Variants in MTUS2 observed in about 807,000 individuals in gnomAD.
MTUS2 encodes the protein microtubule associated scaffold protein 2.
A neutral mutation model predicts 114.1 loss-of-function variants in MTUS2; 40 were observed. The ratio of observed to expected loss-of-function variants is 0.35; its 90% confidence interval spans 0.27 to 0.46. The LOEUF is 0.46. MTUS2 is among the 20% of genes least tolerant of loss of function. The probability of loss-of-function intolerance (pLI) is 1.00; values close to 1 mark genes in which losing one functional copy is unlikely to be tolerated. For synonymous variants in MTUS2, 688 were observed against 672.0 expected (o/e 1.02, Z -0.37); for missense variants, 1,679 against 1,705.4 (o/e 0.98, Z 0.27).
intron 7 of MTUS2, among the ~76,000 whole-genome samples, chr13:29,335,992 G>T (rs1901043101): frequency 6.6e-6 from 1 of 152,070 alleles, no homozygotes; most frequent in Non-Finnish European, 1.5e-5. Flanking sequence ...ATTGAAACTT[G>T]TGTGTTTCAT....
At chr13:29,164,767 T>C (rs1177360703) in intron 5 of MTUS2, among the ~76,000 whole-genome samples, 1 of 152,206 alleles carries the variant, frequency 6.6e-6, no homozygotes, top group Non-Finnish European at 1.5e-5. Context: ...GTATTAGCCA[T>C]ATAAAGTAAT....
intron 5 of MTUS2, among the ~76,000 whole-genome samples, chr13:29,177,381 T>TAAC (rs775971791): frequency 6.6e-6 from 1 of 150,586 alleles, no homozygotes; most frequent in Non-Finnish European, 1.5e-5. Context: ...CTACTGGACA[T>TAAC]AATAATAATA....
intron 6 of MTUS2, among the ~76,000 whole-genome samples, chr13:29,319,824 T>A (rs1296274245): frequency 6.6e-6 from 1 of 150,618 alleles, no homozygotes; most frequent in Non-Finnish European, 1.5e-5. Context: ...CTGAATAGGG[T>A]CTAAGGAAAT....
At chr13:29,155,554 A>G (rs2139054608) in intron 5 of MTUS2, among the ~76,000 whole-genome samples, 1 of 152,252 alleles carries the variant, frequency 6.6e-6, no homozygotes, top group East Asian at 1.9e-4. Flanking sequence ...ATGAAGAGGC[A>G]GGCTCAGGAT....
intron 9 of MTUS2, among the ~76,000 whole-genome samples, chr13:29,461,217 C>T: frequency 6.6e-6 from 1 of 150,962 alleles, no homozygotes; most frequent in Non-Finnish European, 1.5e-5. Flanking sequence ...GGGGGGTGAA[C>T]TCATTCTTTT....
At chr13:29,109,441 A>G (rs1464481998) in intron 5 of MTUS2, among the ~76,000 whole-genome samples, 1 of 152,086 alleles carries the variant, frequency 6.6e-6, no homozygotes, top group Admixed American at 6.5e-5. Flanking sequence ...GAATACCTGA[A>G]ACTTTGAACC....
intron 9 of MTUS2, among the ~76,000 whole-genome samples, chr13:29,471,972 A>G (rs1239168889): frequency 6.6e-6 from 1 of 152,098 alleles, no homozygotes; most frequent in Admixed American, 6.5e-5. Context: ...GGACCTGCAG[A>G]GATGACAAGA....
chr13:29,255,993 C>T (rs920518638), intron 5 of MTUS2, among the ~76,000 whole-genome samples: 1 of 152,184 alleles, frequency 6.6e-6, no homozygotes, highest in Non-Finnish European at 1.5e-5. Flanking sequence ...GAAGATTACA[C>T]AGATTAAATG....
chr13:29,397,352 G>A (rs532861478), intron 8 of MTUS2, among the ~76,000 whole-genome samples: 49 of 152,230 alleles, frequency 3.2e-4, no homozygotes, highest in African/African-American at 1.1e-3. Context: ...GCTTCAATGT[G>A]TACAGACCTA....
chr13:29,489,520 CG>C (rs1300063634), intron 11 of MTUS2: 1 of 152,158 alleles, frequency 6.6e-6, no homozygotes, highest in Non-Finnish European at 1.5e-5. Flanking sequence ...TGGATTGCCT[CG>C]GTCCTGGTAG....
At chr13:29,144,920 A>G (rs545646977) in intron 5 of MTUS2, among the ~76,000 whole-genome samples, 1 of 152,348 alleles carries the variant, frequency 6.6e-6, no homozygotes, top group South Asian at 2.1e-4. Flanking sequence ...TGCCACAGTC[A>G]TATACTATAG....
chr13:29,237,745 G>A (rs543572324), intron 5 of MTUS2, among the ~76,000 whole-genome samples: 13 of 152,184 alleles, frequency 8.5e-5, no homozygotes, highest in African/African-American at 3.1e-4. Context: ...TAAAATATAG[G>A]CAAATGACCT....
chr13:29,307,994 A>T (rs1038749587), intron 6 of MTUS2, among the ~76,000 whole-genome samples: 2 of 152,184 alleles, frequency 1.3e-5, no homozygotes, highest in African/African-American at 4.8e-5. Flanking sequence ...AGAAAAAGGA[A>T]ATGGTCATAC....
intron 8 of MTUS2, among the ~76,000 whole-genome samples, chr13:29,366,832 C>A (rs77807528): frequency 0.74 from 112,598 of 151,668 alleles, 42,013 homozygotes; most frequent in East Asian, 0.83. Context: ...CCTTTGGCGT[C>A]TGGTTTCTAG....
intron 2 of MTUS2, among the ~76,000 whole-genome samples, chr13:28,996,961 T>G (rs1315685486): frequency 6.6e-6 from 1 of 152,224 alleles, no homozygotes; most frequent in African/African-American, 2.4e-5. Flanking sequence ...TTGCTCCTGC[T>G]TCTCTAGTTC....
chr13:29,272,120 G>A (rs970773881), intron 5 of MTUS2, among the ~76,000 whole-genome samples: 3 of 152,154 alleles, frequency 2.0e-5, no homozygotes, highest in East Asian at 3.8e-4. Context: ...GGCCTTTAAT[G>A]TGAGAAAGAA....
Position 29,480,862 on chromosome 13 carries a change from C to T in MTUS2, c.3399+498C>T, listed in dbSNP as rs1881113746. 6.6e-6 allele frequency among the ~76,000 whole-genome samples: 1 copy of T among 152,172 alleles called. No homozygotes were observed. The highest frequency in any genetic ancestry group is 2.4e-5 in the African/African-American group (1 of 41,432). ...CATGTATGTAGCACTCGTCCTACACCAGACACTGCTCTAAGCTCTTTACAG... is the reference window on the plus strand; with the variant it reads ...CATGTATGTAGCACTCGTCCTACACTAGACACTGCTCTAAGCTCTTTACAG... On this transcript the variant is annotated intron_variant, in intron 10 of 15. Transcript: ENST00000612955. The surrounding 1 kb of genome is among the most constrained non-coding windows in gnomAD (Gnocchi z 4.4).
chr13:28,915,000 G>A (rs543297454), intron 2 of MTUS2, among the ~76,000 whole-genome samples: 2 of 151,882 alleles, frequency 1.3e-5, no homozygotes, highest in East Asian at 1.9e-4. Context: ...CATATGAGAT[G>A]GGTCTCTTGA....
intron 11 of MTUS2, among the ~76,000 whole-genome samples, chr13:29,488,574 C>T (rs955842005): frequency 6.6e-6 from 1 of 151,848 alleles, no homozygotes; most frequent in African/African-American, 2.4e-5. Flanking sequence ...AGCCTCCAGC[C>T]CGAGTAGCTG....
Sources: gnomAD v4.1 joint callset for allele counts (sites outside exome capture counted in the v4.1 genomes callset) on GRCh38, gnomAD v4.1.1 for gene constraint, Gnocchi (gnomAD v3.1) non-coding constraint, MANE v1.5 for transcripts, NCBI Gene and HGNC (gene_info 2026-07-23, HGNC 2026-07-21) for gene names.